The following TRPM3 variants were observed in gnomAD, a reference collection of about 807,000 sequenced individuals.
The protein encoded by TRPM3 is transient receptor potential cation channel subfamily M member 3.
TRPM3 carries 77 observed loss-of-function variants against 181.2 expected under a neutral mutation model. The observed-to-expected ratio is 0.42, with a 90% confidence interval of 0.35 to 0.51. The LOEUF (loss-of-function observed/expected upper bound fraction) is 0.51. Among genes scored for constraint, TRPM3 ranks in the 20% least tolerant of loss-of-function variants. TRPM3 has a pLI of 0.01. For missense variants in TRPM3, 1,759 were observed against 2,196.7 expected, an observed-to-expected ratio of 0.80 and a Z score of 3.98; for synonymous variants, 745 against 796.4, an observed-to-expected ratio of 0.94 and a Z score of 1.09.
chr9:71,170,344 G>C (rs2134793428), intron 1 of TRPM3, among the ~76,000 whole-genome samples: 1 of 152,290 alleles, frequency 6.6e-6, no homozygotes, highest in East Asian at 1.9e-4. Flanking sequence ...GTATTAGGAA[G>C]AACGTCTGGA....
At chr9:71,296,574 T>C (rs942051668) in intron 1 of TRPM3, among the ~76,000 whole-genome samples, 1 of 152,122 alleles carries the variant, frequency 6.6e-6, no homozygotes, top group Non-Finnish European at 1.5e-5. Flanking sequence ...TGGGGCCTCA[T>C]GAGATTAAGG....
At position 70,553,177 on chromosome 9, in the gene TRPM3, G is replaced by T; in HGVS notation, c.3357C>A (p.Leu1119=). The change falls in exon 23 of 26, where the codon CTC becomes CTA. Residue 1119 remains leucine, a synonymous_variant. Coordinates refer to ENST00000677713, the MANE Select transcript of TRPM3 (RefSeq NM_001366145.2). Reference sequence around the variant, plus strand: ...CCACTTACTTAAAGACAGCAATGAGGAGGTTGACCAGCAAGATGTTTGCCA... The same window carrying T: ...CCACTTACTTAAAGACAGCAATGAGTAGGTTGACCAGCAAGATGTTTGCCA... ...LLVANILLVN[L]LIAVFNNTFF... 6.2e-7 allele frequency: 1 copy of T among 1,614,118 alleles called. No homozygotes were observed. The highest frequency in any genetic ancestry group is 8.5e-7 in the Non-Finnish European group (1 of 1,180,028).
intron 1 of TRPM3, among the ~76,000 whole-genome samples, chr9:70,880,729 C>CTCATTGAT (rs1445514550): frequency 6.6e-6 from 1 of 152,074 alleles, no homozygotes; most frequent in Non-Finnish European, 1.5e-5. Context: ...CATTTAAGAC[C>CTCATTGAT]TCATTGATAG....
rs192047606 is a variant in TRPM3 at position 71,308,696 on chromosome 9, G to A, written c.183+137957C>T. ...AATAGCACTGCTGTGCTCTGTAATTGAAGTTCAAAAATGGACGATGAAACC... is the reference window on the plus strand; with the variant it reads ...AATAGCACTGCTGTGCTCTGTAATTAAAGTTCAAAAATGGACGATGAAACC... On this transcript the variant is annotated intron_variant, in intron 1 of 24. Transcript: ENST00000357533. 6.0e-4 allele frequency among the ~76,000 whole-genome samples: 91 copies of A among 152,096 alleles called. 1 individual carries two copies. The highest frequency in any genetic ancestry group is 3.4e-3 in the Middle Eastern group (1 of 294).
Position 70,761,669 on chromosome 9 carries a change from T to C in TRPM3, c.1204A>G (p.Thr402Ala). 1 of 1,613,922 alleles carries C rather than the reference T, an allele frequency of 6.2e-7. No homozygotes were observed. The highest frequency in any genetic ancestry group is 8.5e-7 in the Non-Finnish European group (1 of 1,179,910). ...TGCTGAGCTTGGGTTCGAGTGTATG[T>C]GAAAGTCTTCTGTATAGTCACCAAC... ...QLLVTIQKTF[T>A]YTRTQAQHLF... Residue 402 changes from threonine to alanine, a missense_variant, in exon 8 of 26, where the codon ACA becomes GCA. By Grantham distance (58) the Thr-to-Ala change is moderately conservative (BLOSUM62 0). Transcript: ENST00000677713.
chr9:71,249,349 TG>T (rs1160050812), intron 1 of TRPM3, among the ~76,000 whole-genome samples: 1 of 152,222 alleles, frequency 6.6e-6, no homozygotes, highest in African/African-American at 2.4e-5. Context: ...TTGATGTGAT[TG>T]TATATTCTTA....
intron 24 of TRPM3, among the ~76,000 whole-genome samples, chr9:70,552,394 T>C (rs919232530): frequency 3.9e-5 from 6 of 152,182 alleles, no homozygotes; most frequent in East Asian, 1.9e-4. Flanking sequence ...GGTCTTCTCA[T>C]GAGGCAATCT....
rs1042115294 is a variant in TRPM3, at chr9:70,539,140, C to T, written c.3708-1735G>A. Among the ~76,000 whole-genome samples, 4 of 152,242 alleles carry T rather than the reference C, an allele frequency of 2.6e-5. No homozygotes were observed. In the South Asian group the frequency reaches 6.2e-4, roughly 24 times the overall value. The stretch of plus-strand genomic sequence containing the variant: ...AGGAAGACCATGGCTACAGAATATG[C>T]TTCACAGTGAATGTGGGAATTAGGC... On this transcript the variant is annotated intron_variant, in intron 25 of 25. Transcript: ENST00000677713.
chr9:70,671,740 A>G (rs2134082109), intron 9 of TRPM3, among the ~76,000 whole-genome samples: 2 of 152,198 alleles, frequency 1.3e-5, no homozygotes, highest in East Asian at 3.9e-4. Context: ...GGCAAATTTG[A>G]CATACTTTGC....
intron 25 of TRPM3, among the ~76,000 whole-genome samples, chr9:70,544,778 T>A (rs2044420852): frequency 6.6e-6 from 1 of 152,006 alleles, no homozygotes; most frequent in Non-Finnish European, 1.5e-5. Context: ...TTTATAGTAA[T>A]GAATACTAAG....
chr9:70,957,448 G>T (rs768771147), intron 1 of TRPM3, among the ~76,000 whole-genome samples: 32 of 152,064 alleles, frequency 2.1e-4, no homozygotes, highest in Non-Finnish European at 4.1e-4. Flanking sequence ...GTGCTCTGGG[G>T]TTAAAAGGAC....
At chr9:70,786,390 C>G (rs1279347436) in intron 6 of TRPM3, among the ~76,000 whole-genome samples, 1 of 148,624 alleles carries the variant, frequency 6.7e-6, no homozygotes, top group African/African-American at 2.5e-5. Flanking sequence ...GAGGCTGAAG[C>G]TGGAGAATTG....
At chr9:71,323,343 C>T (rs1210452647) in intron 1 of TRPM3, among the ~76,000 whole-genome samples, 2 of 152,170 alleles carry the variant, frequency 1.3e-5, no homozygotes, top group African/African-American at 4.8e-5. Flanking sequence ...TAGTCTTTTT[C>T]TTACTGTAGA....
At chr9:71,279,592 CTA>C (rs1444969536) in intron 1 of TRPM3, among the ~76,000 whole-genome samples, 1 of 152,076 alleles carries the variant, frequency 6.6e-6, no homozygotes, top group East Asian at 1.9e-4. Flanking sequence ...GTTAGGGACT[CTA>C]TGACAGCCTA....
At chr9:70,880,847 G>A (rs1319333223) in intron 1 of TRPM3, among the ~76,000 whole-genome samples, 1 of 152,112 alleles carries the variant, frequency 6.6e-6, no homozygotes, top group African/African-American at 2.4e-5. Context: ...TAGTGCTTCT[G>A]TTCTTACAGT....
intron 1 of TRPM3, among the ~76,000 whole-genome samples, chr9:71,418,935 T>C (rs1027308271): frequency 3.4e-5 from 5 of 148,732 alleles, no homozygotes; most frequent in Non-Finnish European, 5.9e-5. Context: ...TGTGTATATA[T>C]ATATATGTAT....
chr9:70,990,399 C>T (rs868610511), intron 1 of TRPM3, among the ~76,000 whole-genome samples: 2 of 152,168 alleles, frequency 1.3e-5, no homozygotes, highest in South Asian at 2.1e-4. Context: ...GCCTAGAGCC[C>T]AGACAATTCA....
chr9:71,202,957 T>C (rs1212580971), intron 1 of TRPM3, among the ~76,000 whole-genome samples: 1 of 152,204 alleles, frequency 6.6e-6, no homozygotes, highest in Non-Finnish European at 1.5e-5. Flanking sequence ...GACTTTCTTT[T>C]TGCAAAAGAG....
At chr9:71,162,762 G>C (rs2076342345) in intron 1 of TRPM3, among the ~76,000 whole-genome samples, 1 of 152,132 alleles carries the variant, frequency 6.6e-6, no homozygotes, top group African/African-American at 2.4e-5. Flanking sequence ...GAGATAAAGT[G>C]AATAGAATTT....
Sources: allele counts gnomAD v4.1 joint callset (sites outside exome capture counted in the v4.1 genomes callset), GRCh38; gene constraint gnomAD v4.1.1; transcripts MANE v1.5; gene names NCBI Gene and HGNC (gene_info 2026-07-23, HGNC 2026-07-21).